Variants in PHACTR2 observed in about 807,000 individuals in gnomAD.
PHACTR2 encodes phosphatase and actin regulator 2, also known as chromosome 6 open reading frame 56.
Under a neutral mutation model 76.0 loss-of-function variants are expected in PHACTR2, and 30 were observed. That is an observed-to-expected ratio of 0.39 (90% CI 0.30 to 0.54). The LOEUF (loss-of-function observed/expected upper bound fraction) is 0.54. Ranked by LOEUF, PHACTR2 falls within the 20% of genes least tolerant of loss-of-function variation. The pLI, the probability that PHACTR2 is intolerant of heterozygous loss-of-function variation, is 0.61. For synonymous variants in PHACTR2, 292 were observed against 292.5 expected (o/e 1.00, Z 0.02); for missense variants, 696 against 781.1 (o/e 0.89, Z 1.30).
rs923607595 is a variant in PHACTR2, at chr6:143,646,719, C to T, written c.13+38397C>T. 6.6e-6 allele frequency among the ~76,000 whole-genome samples: 1 copy of T among 152,198 alleles called. No homozygotes were observed. Among genetic ancestry groups the T allele is most frequent in the African/African-American group, 2.4e-5 (1 of 41,458 alleles). ...AAATATATAGGGGGATTTGAGACTG[C>T]TCCACATGTTTCTCATGGAATTTCC... On this transcript the variant is annotated intron_variant, in intron 1 of 11. Transcript: ENST00000305766. This position sits in a 1 kb window ranked among gnomAD's most constrained non-coding sequence, Gnocchi z 4.1.
At chr6:143,560,667 C>T (rs1039168702) in intron 1 of PHACTR2, among the ~76,000 whole-genome samples, 2 of 152,074 alleles carry the variant, frequency 1.3e-5, no homozygotes, top group African/African-American at 4.8e-5. Context: ...GGAGACCTGA[C>T]CTAGACTGGG....
intron 1 of PHACTR2, among the ~76,000 whole-genome samples, chr6:143,626,873 A>T (rs936007386): frequency 5.3e-5 from 8 of 152,216 alleles, no homozygotes; most frequent in Non-Finnish European, 1.0e-4. Context: ...CACATTGAGC[A>T]GGTATATATT....
Position 143,698,910 on chromosome 6 carries a change from C to T in PHACTR2, c.47-13106C>T, listed in dbSNP as rs1336030374. ...CTCCTCTCCCTTGGATTGTCCGAAC[C>T]CTGGGTCTCCTTGGCAACACTGTTG... is the stretch of plus-strand genomic sequence containing the variant. On this transcript the variant is annotated intron_variant, in intron 1 of 12. Coordinates refer to ENST00000440869, the MANE Select transcript of PHACTR2 (RefSeq NM_001100164.2). The surrounding 1 kb of genome is among the most constrained non-coding windows in gnomAD (Gnocchi z 4.3). Among the ~76,000 whole-genome samples, 1 of 152,158 alleles carries T rather than the reference C, an allele frequency of 6.6e-6. No homozygotes were observed. Among genetic ancestry groups the T allele is most frequent in the East Asian group, 1.9e-4 (1 of 5,200 alleles).
At chr6:143,693,972 G>C (rs1324179449) in intron 1 of PHACTR2, among the ~76,000 whole-genome samples, 1 of 152,128 alleles carries the variant, frequency 6.6e-6, no homozygotes, top group East Asian at 1.9e-4. Flanking sequence ...AAGAGTCCAA[G>C]ATGGGAGGAT....
chr6:143,539,754 T>C lies in PHACTR2; in HGVS notation c.217+2547T>C, dbSNP rs1383576140. Among the ~76,000 whole-genome samples, 1 of 152,182 alleles carries C rather than the reference T, an allele frequency of 6.6e-6. No homozygotes were observed. The highest frequency in any genetic ancestry group is 1.5e-5 in the Non-Finnish European group (1 of 68,030). ...AGAATCTCAGGCCCCACCCTAGGCC[T>C]GCTTAACTGAATCTGCATTTTAATA... On this transcript the variant is annotated intron_variant, in intron 1 of 11. Transcript: ENST00000367584. This position sits in a 1 kb window ranked among gnomAD's most constrained non-coding sequence, Gnocchi z 4.3.
Position 143,537,099 on chromosome 6 carries a change from GC to G in PHACTR2, c.112del (p.Leu38CysfsTer44). ...GGCGCCCGCCCCGCCGGCGGCGCCT[GC>G]CCTGCGCTGGCTTCCCGGGGACCCG... On this transcript the variant is annotated frameshift_variant, in exon 1 of 12. Transcript: ENST00000367584. LOFTEE classifies it high-confidence loss of function. This position sits in a 1 kb window ranked among gnomAD's most constrained non-coding sequence, Gnocchi z 4.4. 3.7e-6 allele frequency: 1 copy of G among 267,334 alleles called. No homozygotes were observed. The highest frequency in any genetic ancestry group is 7.3e-6 in the Non-Finnish European group (1 of 136,614). 16.6% of individuals were successfully genotyped at this position (267,334 alleles called of 1,614,324 possible).
At position 143,806,211 on chromosome 6, in the gene PHACTR2, G is replaced by A. The variant is rs772891943; in HGVS notation, c.1846-846G>A. On this transcript the variant is annotated intron_variant, in intron 11 of 12. Coordinates refer to ENST00000440869, the MANE Select transcript of PHACTR2 (RefSeq NM_001100164.2). This position sits in a 1 kb window ranked among gnomAD's most constrained non-coding sequence, Gnocchi z 5.8. The stretch of plus-strand genomic sequence containing the variant: ...ATGTTAACATTTCAGTCTGAATGGC[G>A]TAAGCATCCCCTCAAATACCAAAAA... Among the ~76,000 whole-genome samples the A allele has an allele frequency of 3.9e-5, 6 of 152,144 alleles. No homozygotes were observed. The highest frequency in any genetic ancestry group is 8.8e-5 in the Non-Finnish European group (6 of 68,024).
intron 1 of PHACTR2, 112 bp from the exon 2 acceptor site, chr6:143,711,904 T>G: frequency 1.1e-6 from 1 of 906,536 alleles, no homozygotes; most frequent in Non-Finnish European, 1.8e-6. Flanking sequence ...TTATGTGAGA[T>G]TCCAATTAGA....
Position 143,710,053 on chromosome 6 carries a change from G to A in PHACTR2, c.47-1963G>A, listed in dbSNP as rs1015823855. On this transcript the variant is annotated intron_variant, in intron 1 of 12. Transcript: ENST00000440869. This position sits in a 1 kb window ranked among gnomAD's most constrained non-coding sequence, Gnocchi z 4.9. ...GGTCACAGGTTCTTCTATGGTGCTCGGCTGTAGTAGAGCAGTTATTGTCTA... is the reference window on the plus strand; with the variant it reads ...GGTCACAGGTTCTTCTATGGTGCTCAGCTGTAGTAGAGCAGTTATTGTCTA... Among the ~76,000 whole-genome samples, 6 of 152,074 alleles carry A rather than the reference G, an allele frequency of 3.9e-5. No individual in the cohort carries two copies. Among genetic ancestry groups the A allele is most frequent in the East Asian group, 1.9e-4 (1 of 5,186 alleles).
At position 143,619,647 on chromosome 6, in the gene PHACTR2, T is replaced by A. The variant is rs1776117647; in HGVS notation, c.13+11325T>A. Among the ~76,000 whole-genome samples the A allele has an allele frequency of 6.6e-6, 1 of 152,236 alleles. No homozygotes were observed. Among genetic ancestry groups the A allele is most frequent in the Non-Finnish European group, 1.5e-5 (1 of 68,052 alleles). On this transcript the variant is annotated intron_variant, in intron 1 of 11. Coordinates refer to the PHACTR2 transcript ENST00000305766. The surrounding 1 kb of genome is among the most constrained non-coding windows in gnomAD (Gnocchi z 4.5). ...ACTCGGTAGCTTTTGTATCATTAAC[T>A]GAGACTTGCTTAAAACTGTACACCC...
At position 143,580,079 on chromosome 6, in the gene PHACTR2, ACT is replaced by A. The variant is rs1377287652; in HGVS notation, c.217+42873_217+42874del. ...CCATAGGGCAGCTCACAACATGACCACTGTCTTCTCTCAGCATGAGCCAGAAA... is the reference window on the plus strand; with the variant it reads ...CCATAGGGCAGCTCACAACATGACCAGTCTTCTCTCAGCATGAGCCAGAAA... On this transcript the variant is annotated intron_variant, in intron 1 of 11. Coordinates refer to the PHACTR2 transcript ENST00000367584. This position sits in a 1 kb window ranked among gnomAD's most constrained non-coding sequence, Gnocchi z 4.2. 6.6e-6 allele frequency among the ~76,000 whole-genome samples: 1 copy of A among 152,170 alleles called. No individual in the cohort carries two copies. The highest frequency in any genetic ancestry group is 1.5e-5 in the Non-Finnish European group (1 of 68,030).
upstream of PHACTR2, among the ~76,000 whole-genome samples, chr6:143,675,729 G>C (rs1292241913): frequency 6.6e-6 from 1 of 152,210 alleles, no homozygotes; most frequent in Non-Finnish European, 1.5e-5. This position sits in a 1 kb window ranked among gnomAD's most constrained non-coding sequence, Gnocchi z 4.9. Flanking sequence ...TCCCTAGAGA[G>C]AGGTAGTATA....
At position 143,740,751 on chromosome 6, in the gene PHACTR2, G is replaced by T. The variant is rs1778923154; in HGVS notation, c.215-8234G>T. Among the ~76,000 whole-genome samples, 2 of 152,126 alleles carry T rather than the reference G, an allele frequency of 1.3e-5. 1 individual carries two copies. Among genetic ancestry groups the T allele is most frequent in the South Asian group, 4.1e-4 (2 of 4,832 alleles). ...AATTAACTTTAAAAAGTGTTCTGCT[G>T]TCTGCTTTCTTAAGAAAAATCAGAA... On this transcript the variant is annotated intron_variant, in intron 2 of 12. Transcript: ENST00000440869.
At position 143,554,398 on chromosome 6, in the gene PHACTR2, G is replaced by A. The variant is rs1179857255; in HGVS notation, c.217+17191G>A. The A allele has an allele frequency of 6.6e-6, 1 of 152,188 alleles. No individual in the cohort carries two copies. The highest frequency in any genetic ancestry group is 1.5e-5 in the Non-Finnish European group (1 of 68,044). 9.4% of individuals were successfully genotyped at this position (152,188 alleles called of 1,614,324 possible). A position where few individuals can be genotyped will look rare whatever the true frequency, so the allele number is the denominator to read the frequency against. On this transcript the variant is annotated intron_variant, in intron 1 of 11. Coordinates refer to the PHACTR2 transcript ENST00000367584. The surrounding 1 kb of genome is among the most constrained non-coding windows in gnomAD (Gnocchi z 5.9). Reference sequence around the variant, plus strand: ...TATAGGGACCACTGCTATCGATTTTGTAGTCGGGGAGTGGGATTGGGCTCA... The same window carrying A: ...TATAGGGACCACTGCTATCGATTTTATAGTCGGGGAGTGGGATTGGGCTCA...
intron 2 of PHACTR2, among the ~76,000 whole-genome samples, chr6:143,740,046 T>G (rs1778905367): frequency 6.6e-6 from 1 of 152,182 alleles, no homozygotes; most frequent in African/African-American, 2.4e-5. Flanking sequence ...AAGAGAATGG[T>G]TACTCCATAG....
intron 11 of PHACTR2, among the ~76,000 whole-genome samples, chr6:143,790,713 A>G (rs911722999): frequency 4.1e-5 from 6 of 147,702 alleles, no homozygotes; most frequent in East Asian, 3.9e-4. Context: ...TCACTCTGTC[A>G]CCCAGGCTGG....
intron 1 of PHACTR2, among the ~76,000 whole-genome samples, chr6:143,575,885 GA>G (rs35746501): frequency 0.61 from 93,224 of 151,686 alleles, 28,945 homozygotes; most frequent in Middle Eastern, 0.72. Context: ...TTTCAATTTA[GA>G]AAAAAAAAGT....
At chr6:143,717,434 A>G (rs1357337984) in intron 2 of PHACTR2, among the ~76,000 whole-genome samples, 1 of 152,230 alleles carries the variant, frequency 6.6e-6, no homozygotes, top group African/African-American at 2.4e-5. Context: ...AGACTATCAC[A>G]TTCACTTTTG....
chr6:143,603,562 A>C (rs1303553089), upstream of PHACTR2, among the ~76,000 whole-genome samples: 1 of 152,184 alleles, frequency 6.6e-6, no homozygotes, highest in Non-Finnish European at 1.5e-5. Flanking sequence ...AGAATAGAAA[A>C]CAGTCATGTC....
Sources: gnomAD v4.1 joint callset for allele counts (sites outside exome capture counted in the v4.1 genomes callset) on GRCh38, gnomAD v4.1.1 for gene constraint, Gnocchi (gnomAD v3.1) non-coding constraint, MANE v1.5 for transcripts, NCBI Gene and HGNC (gene_info 2026-07-23, HGNC 2026-07-21) for gene names.